The following RBFOX1 variants were observed in gnomAD, a reference collection of about 807,000 sequenced individuals.
The protein encoded by RBFOX1 is RNA binding fox-1 homolog 1.
RBFOX1 carries 8 observed loss-of-function variants against 57.7 expected under a neutral mutation model. That is an observed-to-expected ratio of 0.14 (90% confidence interval 0.08 to 0.25). The LOEUF is 0.25. RBFOX1 is among the 10% of genes least tolerant of loss of function. The pLI, the probability that RBFOX1 is intolerant of heterozygous loss-of-function variation, is 1.00. For synonymous variants in RBFOX1, 326 were observed against 222.4 expected (o/e 1.47, Z -4.15); for missense variants, 611 against 548.5 (o/e 1.11, Z -1.14).
intron 1 of RBFOX1, among the ~76,000 whole-genome samples, chr16:6,146,683 A>G (rs982511162): frequency 1.3e-5 from 2 of 152,244 alleles, no homozygotes; most frequent in Non-Finnish European, 2.9e-5. Context: ...CAAACTTTTC[A>G]CTATACTGAA....
In RBFOX1 at chr16:6,793,888, T is replaced by A. The variant is rs370563707; in HGVS notation, c.-16+139238T>A. On this transcript the variant is annotated intron_variant, in intron 3 of 15. Transcript: ENST00000550418. Reference sequence around the variant, plus strand: ...GAAATGAGTTTTTTTAAAAAGGTTATGAAACATCTATCTCCCTCTTGAGCA... The same window carrying A: ...GAAATGAGTTTTTTTAAAAAGGTTAAGAAACATCTATCTCCCTCTTGAGCA... Among the ~76,000 whole-genome samples, 53 of 152,214 alleles carry A rather than the reference T, an allele frequency of 3.5e-4. 1 individual carries two copies. In the South Asian group the frequency reaches 1.0e-2, roughly 29 times the overall value.
At chr16:5,629,036 C>CA (rs2048425565) in intron 3 of RBFOX1, among the ~76,000 whole-genome samples, 1 of 152,088 alleles carries the variant, frequency 6.6e-6, no homozygotes, top group Non-Finnish European at 1.5e-5. Context: ...CCCAAGCACC[C>CA]ATCGTAGGGC....
At chr16:5,998,656 G>A (rs2060532199) in intron 4 of RBFOX1, among the ~76,000 whole-genome samples, 1 of 152,192 alleles carries the variant, frequency 6.6e-6, no homozygotes, top group Non-Finnish European at 1.5e-5. Flanking sequence ...AATCCTGAGT[G>A]CACTGGTGTG....
At chr16:6,095,501 G>A (rs1267234564) in intron 1 of RBFOX1, among the ~76,000 whole-genome samples, 3 of 152,128 alleles carry the variant, frequency 2.0e-5, no homozygotes, top group African/African-American at 7.2e-5. Context: ...CAGTTTCTGG[G>A]TTTTCACAGC....
At chr16:7,611,756 C>G (rs181975886) in intron 10 of RBFOX1, among the ~76,000 whole-genome samples, 1 of 152,168 alleles carries the variant, frequency 6.6e-6, no homozygotes, top group African/African-American at 2.4e-5. Flanking sequence ...CTCCCTCACA[C>G]GTGCCTTCCA....
intron 2 of RBFOX1, among the ~76,000 whole-genome samples, chr16:6,507,678 T>C (rs1176104303): frequency 6.6e-6 from 1 of 152,002 alleles, no homozygotes; most frequent in East Asian, 1.9e-4. Context: ...CCAACATGGA[T>C]GAACCTTAAT....
At chr16:7,001,461 T>A (rs1395260862) in intron 3 of RBFOX1, among the ~76,000 whole-genome samples, 2 of 150,876 alleles carry the variant, frequency 1.3e-5, no homozygotes, top group Non-Finnish European at 3.0e-5. Context: ...TATGTATACG[T>A]GTATGTATAT....
intron 1 of RBFOX1, among the ~76,000 whole-genome samples, chr16:5,392,544 T>C (rs1256780968): frequency 6.6e-6 from 1 of 151,620 alleles, no homozygotes; most frequent in East Asian, 1.9e-4. Context: ...TTTTCTTTTT[T>C]TCTTTTTTTT....
At chr16:6,924,085 G>A (rs748873956) in intron 3 of RBFOX1, among the ~76,000 whole-genome samples, 8 of 151,684 alleles carry the variant, frequency 5.3e-5, no homozygotes, top group Non-Finnish European at 1.0e-4. Context: ...CATGAGAGTC[G>A]CTTGAACCCG....
intron 3 of RBFOX1, among the ~76,000 whole-genome samples, chr16:6,783,778 C>T (rs554697566): frequency 6.6e-5 from 10 of 152,166 alleles, no homozygotes; most frequent in Non-Finnish European, 1.2e-4. Flanking sequence ...CATTTGTACC[C>T]CTGTCTTTCA....
chr16:6,197,305 A>G (rs530093068), intron 1 of RBFOX1, among the ~76,000 whole-genome samples: 4 of 151,870 alleles, frequency 2.6e-5, no homozygotes, highest in African/African-American at 9.7e-5. Flanking sequence ...CTCATATTTT[A>G]TCATCCGTAT....
In RBFOX1 at chr16:6,894,301, G is replaced by A. The variant is rs141747236; in HGVS notation, c.-15-157756G>A. On this transcript the variant is annotated intron_variant, in intron 3 of 15. Coordinates refer to ENST00000550418, the MANE Select transcript of RBFOX1 (RefSeq NM_018723.4). Reference sequence around the variant, plus strand: ...TGTCTCTATTTCCAAGGGGTGGTCTGTTGTGCGTTTGAAATCCCCCAGATA... The same window carrying A: ...TGTCTCTATTTCCAAGGGGTGGTCTATTGTGCGTTTGAAATCCCCCAGATA... Among the ~76,000 whole-genome samples the A allele has an allele frequency of 5.5e-3, 830 of 152,270 alleles. 16 individuals are homozygous for A. Among genetic ancestry groups the A allele is most frequent in the African/African-American group, 0.019 (796 of 41,556 alleles).
intron 3 of RBFOX1, among the ~76,000 whole-genome samples, chr16:5,721,468 G>A (rs979998472): frequency 2.0e-5 from 3 of 151,904 alleles, no homozygotes; most frequent in East Asian, 1.9e-4. Context: ...TCTTGTTCTT[G>A]CCCAATTGCC....
intron 5 of RBFOX1, among the ~76,000 whole-genome samples, chr16:7,544,146 C>G (rs55898611): frequency 5.3e-5 from 8 of 152,232 alleles, no homozygotes; most frequent in Non-Finnish European, 1.2e-4. Flanking sequence ...CCAACGCTTA[C>G]TCCTAAAGAC....
chr16:6,210,362 A>AAAAAAAAAAAAAAACC (rs2097287615), intron 1 of RBFOX1, among the ~76,000 whole-genome samples: 1 of 25,092 alleles, frequency 4.0e-5, no homozygotes, highest in Non-Finnish European at 6.5e-5. Flanking sequence ...AAAAAACACC[A>AAAAAAAAAAAAAAACC]AAAAAAAAAA....
At chr16:6,929,624 C>A (rs2076182379) in intron 3 of RBFOX1, among the ~76,000 whole-genome samples, 2 of 152,134 alleles carry the variant, frequency 1.3e-5, no homozygotes, top group South Asian at 4.1e-4. Context: ...CCACCAAATT[C>A]AATTTTTCTC....
intron 3 of RBFOX1, among the ~76,000 whole-genome samples, chr16:5,687,150 A>C (rs1436768713): frequency 1.3e-5 from 2 of 152,196 alleles, no homozygotes; most frequent in African/African-American, 4.8e-5. Context: ...TGCAAAATGG[A>C]CTAATAAACC....
At position 6,417,709 on chromosome 16, in the gene RBFOX1, A is replaced by ATTTTG. The variant is rs1416301414; in HGVS notation, c.-64+100652_-64+100653insTTTTG. 3.7e-5 allele frequency among the ~76,000 whole-genome samples: 4 copies of ATTTTG among 109,064 alleles called. No homozygotes were observed. In the East Asian group the frequency reaches 1.0e-3, roughly 28 times the overall value. The allele number at this position is 109,064 out of a possible 152,430, so 71.6% of individuals were successfully genotyped here. On this transcript the variant is annotated intron_variant, in intron 2 of 15. Coordinates refer to ENST00000550418, the MANE Select transcript of RBFOX1 (RefSeq NM_018723.4). ...CTGGCCTTAAACTCCTTTCTTTTTA[A>ATTTTG]AAAAAAAAAAAATTAAGTTCAAGGG... is the stretch of plus-strand genomic sequence containing the variant.
intron 10 of RBFOX1, among the ~76,000 whole-genome samples, chr16:7,619,727 T>C (rs1025665071): frequency 6.6e-6 from 1 of 152,232 alleles, no homozygotes; most frequent in African/African-American, 2.4e-5. Flanking sequence ...TTGCACAGAC[T>C]TGTAAATTCC....
Sources: allele counts gnomAD v4.1 joint callset (sites outside exome capture counted in the v4.1 genomes callset), GRCh38; gene constraint gnomAD v4.1.1; transcripts MANE v1.5; gene names NCBI Gene and HGNC (gene_info 2026-07-23, HGNC 2026-07-21).